The following PTPRG variants were observed in gnomAD, a reference collection of about 807,000 sequenced individuals.
PTPRG encodes receptor-type tyrosine-protein phosphatase gamma.
PTPRG carries 102 observed loss-of-function variants against 165.3 expected under a neutral mutation model. The ratio of observed to expected loss-of-function variants is 0.62; its 90% confidence interval spans 0.53 to 0.73. The LOEUF (loss-of-function observed/expected upper bound fraction) is 0.73. Among genes scored for constraint, PTPRG ranks in the 30% least tolerant of loss-of-function variants. PTPRG has a pLI of 0.00. For synonymous variants in PTPRG, 675 were observed against 669.5 expected (o/e 1.01, Z -0.13); for missense variants, 1,866 against 1,861.4 (o/e 1.00, Z -0.05).
intron 2 of PTPRG, among the ~76,000 whole-genome samples, chr3:61,885,817 A>G (rs753535584): frequency 1.5e-4 from 22 of 147,326 alleles, no homozygotes; most frequent in Non-Finnish European, 3.0e-4. Context: ...AGTAACTGGG[A>G]CTATAGGCAT....
At chr3:62,167,477 G>A (rs1340364493) in intron 7 of PTPRG, among the ~76,000 whole-genome samples, 1 of 152,158 alleles carries the variant, frequency 6.6e-6, no homozygotes, top group Non-Finnish European at 1.5e-5. Context: ...ATCCTTTTGG[G>A]TAAATATTGT....
At chr3:62,056,508 G>T (rs1183619856) in intron 4 of PTPRG, among the ~76,000 whole-genome samples, 1 of 152,112 alleles carries the variant, frequency 6.6e-6, no homozygotes, top group East Asian at 1.9e-4. Flanking sequence ...GAAGCCAAAA[G>T]ATTGGACACC....
At chr3:61,989,525 G>T in intron 2 of PTPRG, 100 bp from the exon 3 acceptor site, 1 of 1,109,304 alleles carries the variant, frequency 9.0e-7, no homozygotes, top group Non-Finnish European at 1.3e-6. Context: ...CTTTGGATTG[G>T]GGACATGTTG....
At chr3:61,657,463 C>T (rs1043592389) in intron 1 of PTPRG, among the ~76,000 whole-genome samples, 2 of 150,416 alleles carry the variant, frequency 1.3e-5, no homozygotes, top group African/African-American at 2.4e-5. Flanking sequence ...CAAGAGCCCC[C>T]GTCTCTACAC....
intron 2 of PTPRG, among the ~76,000 whole-genome samples, chr3:61,948,873 G>T (rs2039829109): frequency 6.6e-6 from 1 of 152,128 alleles, no homozygotes; most frequent in African/African-American, 2.4e-5. Context: ...CTGAGTTGAT[G>T]ATCTAATAGC....
rs527436440 is a variant in PTPRG, at chr3:62,215,824, C to T, written c.2156-3027C>T. On this transcript the variant is annotated intron_variant, in intron 12 of 29. Transcript: ENST00000474889. ...AGAGATGCCCCTGTGGCTTGAGGGA[C>T]GATATAATGTGCCACTGATCCACAC... is the stretch of plus-strand genomic sequence containing the variant. Among the ~76,000 whole-genome samples the T allele has an allele frequency of 1.3e-4, 20 of 151,982 alleles. 1 individual carries two copies. In the South Asian group the frequency reaches 4.2e-3, roughly 32 times the overall value.
chr3:62,166,047 G>C (rs1704961838), intron 7 of PTPRG, among the ~76,000 whole-genome samples: 1 of 152,060 alleles, frequency 6.6e-6, no homozygotes, highest in African/African-American at 2.4e-5. Flanking sequence ...CATCTTTCTA[G>C]CACCATTCGA....
At chr3:62,158,960 A>G (rs965384950) in intron 7 of PTPRG, among the ~76,000 whole-genome samples, 30 of 152,200 alleles carry the variant, frequency 2.0e-4, no homozygotes, top group African/African-American at 7.2e-4. Context: ...ATATTTATAT[A>G]AACAGCGTTG....
At chr3:62,150,061 T>A (rs2106674705) in intron 6 of PTPRG, among the ~76,000 whole-genome samples, 1 of 152,306 alleles carries the variant, frequency 6.6e-6, no homozygotes, top group African/African-American at 2.4e-5. Context: ...AATCAAATGT[T>A]TCCTTCTCAG....
At chr3:61,782,165 C>T (rs2034566210) in intron 2 of PTPRG, among the ~76,000 whole-genome samples, 1 of 152,106 alleles carries the variant, frequency 6.6e-6, no homozygotes, top group South Asian at 2.1e-4. Context: ...TGTTGAGCTC[C>T]ACTGTGACTT....
chr3:62,251,314 G>T (rs1413835109), intron 15 of PTPRG, among the ~76,000 whole-genome samples: 2 of 152,140 alleles, frequency 1.3e-5, no homozygotes, highest in Non-Finnish European at 2.9e-5. Context: ...GAGGCTAGGA[G>T]TTCAAGACCA....
intron 1 of PTPRG, among the ~76,000 whole-genome samples, chr3:61,742,262 A>G: frequency 6.6e-6 from 1 of 152,188 alleles, no homozygotes; most frequent in Non-Finnish European, 1.5e-5. Flanking sequence ...TTCTGGAATA[A>G]AAACATTTAT....
intron 4 of PTPRG, among the ~76,000 whole-genome samples, chr3:62,019,881 C>T (rs1393129522): frequency 3.3e-5 from 5 of 152,106 alleles, no homozygotes; most frequent in Admixed American, 1.3e-4. Context: ...TGCATTGTGC[C>T]ATTTAATCAT....
chr3:61,784,626 A>G (rs1014615811), intron 2 of PTPRG, among the ~76,000 whole-genome samples: 3 of 152,174 alleles, frequency 2.0e-5, no homozygotes, highest in African/African-American at 7.2e-5. Context: ...TAAGTTGGGT[A>G]TGCATAACGC....
chr3:62,093,342 G>A (rs191558), intron 5 of PTPRG, among the ~76,000 whole-genome samples: 29,818 of 152,126 alleles, frequency 0.2, 2,976 homozygotes, highest in South Asian at 0.28. Context: ...CCCGCCCTCT[G>A]CTTCCCAGAG....
intron 2 of PTPRG, among the ~76,000 whole-genome samples, chr3:61,779,201 A>C (rs1219908633): frequency 1.3e-5 from 2 of 152,206 alleles, no homozygotes; most frequent in African/African-American, 2.4e-5. Context: ...AAATGCATTA[A>C]GAAGCTGCAC....
At chr3:61,619,548 T>C (rs1701392714) in intron 1 of PTPRG, among the ~76,000 whole-genome samples, 1 of 152,210 alleles carries the variant, frequency 6.6e-6, no homozygotes, top group Non-Finnish European at 1.5e-5. Context: ...ATGTCAGCAA[T>C]GCAGCCTTTG....
chr3:62,109,552 T>G (rs1559516918), intron 5 of PTPRG, among the ~76,000 whole-genome samples: 1 of 152,186 alleles, frequency 6.6e-6, no homozygotes, highest in East Asian at 1.9e-4. Flanking sequence ...CCATATGAAG[T>G]TTAAAGTAGT....
chr3:61,631,499 C>A (rs184517840), intron 1 of PTPRG, among the ~76,000 whole-genome samples: 136 of 152,264 alleles, frequency 8.9e-4, no homozygotes, highest in African/African-American at 2.8e-3. Context: ...TAAACTTTAT[C>A]ATGGATATAG....
Sources: allele counts gnomAD v4.1 joint callset (sites outside exome capture counted in the v4.1 genomes callset), GRCh38; gene constraint gnomAD v4.1.1; transcripts MANE v1.5; gene names NCBI Gene and HGNC (gene_info 2026-07-23, HGNC 2026-07-21).